NTN4: variants seen among roughly 807,000 people sequenced by gnomAD.
The protein encoded by NTN4 is netrin 4.
Under a neutral mutation model 73.6 loss-of-function variants are expected in NTN4, and 32 were observed. The observed-to-expected ratio is 0.44, with a 90% CI of 0.33 to 0.58. NTN4 has a LOEUF of 0.58. NTN4 is among the 20% of genes least tolerant of loss of function. The pLI is 0.04. For missense variants in NTN4, 654 were observed against 798.3 expected (o/e 0.82, Z 2.18); for synonymous variants, 258 against 287.5 (o/e 0.90, Z 1.04).
intron 2 of NTN4, among the ~76,000 whole-genome samples, chr12:95,770,517 C>A (rs2079049890): frequency 6.6e-6 from 1 of 152,124 alleles, no homozygotes; most frequent in African/African-American, 2.4e-5. Flanking sequence ...GTGGTGGGAT[C>A]AGGGGCTATT....
At chr12:95,692,815 A>G (rs2078410901) in intron 5 of NTN4, among the ~76,000 whole-genome samples, 1 of 152,240 alleles carries the variant, frequency 6.6e-6, no homozygotes, top group Non-Finnish European at 1.5e-5. Context: ...ATCAGACTAG[A>G]TGACTAGATT....
intron 3 of NTN4, among the ~76,000 whole-genome samples, chr12:95,726,250 C>T (rs1300334566): frequency 6.6e-6 from 1 of 152,176 alleles, no homozygotes; most frequent in Non-Finnish European, 1.5e-5. Flanking sequence ...AAAGAAATCT[C>T]ATGCTCACTA....
chr12:95,718,314 G>A (rs547337443), intron 3 of NTN4, among the ~76,000 whole-genome samples: 4 of 152,242 alleles, frequency 2.6e-5, no homozygotes, highest in African/African-American at 4.8e-5. Context: ...GGGGCAGAAC[G>A]CTTTCAGTAG....
intron 2 of NTN4, among the ~76,000 whole-genome samples, chr12:95,753,649 T>G (rs1282211022): frequency 1.3e-5 from 2 of 151,420 alleles, no homozygotes; most frequent in African/African-American, 4.8e-5. Flanking sequence ...CTTACGGTCC[T>G]CCGTCTTCAA....
chr12:95,760,606 T>C (rs1445579003), intron 2 of NTN4, among the ~76,000 whole-genome samples: 1 of 152,112 alleles, frequency 6.6e-6, no homozygotes, highest in African/African-American at 2.4e-5. Context: ...GTAGGGATTG[T>C]TATGTTTGTT....
intron 3 of NTN4, among the ~76,000 whole-genome samples, chr12:95,729,630 A>AGT (rs1254954346): frequency 4.3e-4 from 39 of 91,762 alleles, no homozygotes; most frequent in Middle Eastern, 5.2e-3. Flanking sequence ...AGAGAGAGAG[A>AGT]GAGTGTGTGT....
chr12:95,706,296 A>G (rs1855673587), intron 5 of NTN4, among the ~76,000 whole-genome samples: 1 of 151,566 alleles, frequency 6.6e-6, no homozygotes. Flanking sequence ...TAACAAAAAA[A>G]ACTAAAACAA....
intron 2 of NTN4, among the ~76,000 whole-genome samples, chr12:95,745,615 T>A (rs2078856397): frequency 6.6e-6 from 1 of 152,204 alleles, no homozygotes; most frequent in Non-Finnish European, 1.5e-5. Flanking sequence ...ACTAACTGTA[T>A]CATTTGTGTC....
chr12:95,782,217 A>C (rs1395078631), intron 2 of NTN4, among the ~76,000 whole-genome samples: 1 of 152,148 alleles, frequency 6.6e-6, no homozygotes, highest in African/African-American at 2.4e-5. Context: ...ACTGTGATCC[A>C]AGCAATGTGC....
In NTN4 at chr12:95,710,524, G is replaced by C; in HGVS notation, c.1097C>G (p.Thr366Arg). 1 of 1,614,124 alleles carries C rather than the reference G, an allele frequency of 6.2e-7. No individual in the cohort carries two copies. Among genetic ancestry groups the C allele is most frequent in the Non-Finnish European group, 8.5e-7 (1 of 1,179,992 alleles). ...GGVCDDCQHNTEGQYCQRCKP... is the reference protein window; with the variant it reads ...GGVCDDCQHNREGQYCQRCKP... Reference sequence around the variant, plus strand: ...GCACCTCTGGCAATACTGTCCTTCTGTGTTGTGCTGACAGTCATCACAGAC... The same window carrying C: ...GCACCTCTGGCAATACTGTCCTTCTCTGTTGTGCTGACAGTCATCACAGAC... The change falls in exon 5 of 10, where the codon ACA (threonine) becomes AGA (arginine). Residue 366 changes from threonine to arginine, a missense_variant. Transcript: ENST00000343702.
intron 5 of NTN4, among the ~76,000 whole-genome samples, chr12:95,696,141 C>T (rs78117488): frequency 0.043 from 6,500 of 152,258 alleles, 211 homozygotes; most frequent in Non-Finnish European, 0.061. Flanking sequence ...GAGAAACAAA[C>T]CTAACTGTGT....
chr12:95,675,699 GAAAT>G (rs1370063055), intron 7 of NTN4, among the ~76,000 whole-genome samples: 21 of 152,158 alleles, frequency 1.4e-4, no homozygotes, highest in African/African-American at 4.8e-4. Context: ...AGAAAGAAAA[GAAAT>G]GAATGAATGT....
chr12:95,738,063 T>A lies in NTN4; in HGVS notation c.667A>T (p.Asn223Tyr). 1 of 1,614,174 alleles carries A rather than the reference T, an allele frequency of 6.2e-7. No individual in the cohort carries two copies. Among genetic ancestry groups the A allele is most frequent in the Non-Finnish European group, 8.5e-7 (1 of 1,179,990 alleles). ...AKVQEQLKIT[N>Y]LRVQLLKRQS... ...CGTTTCAGCAGCTGCACGCGAAGGT[T>A]GGTGATCTTCAGCTGCTCCTGAACT... is the stretch of plus-strand genomic sequence containing the variant. The change falls in exon 3 of 10, where the codon AAC (asparagine) becomes TAC (tyrosine). Residue 223 changes from asparagine (N) to tyrosine (Y), a missense_variant. Transcript: ENST00000343702.
chr12:95,740,341 G>A (rs1482575806), intron 2 of NTN4, among the ~76,000 whole-genome samples: 1 of 152,162 alleles, frequency 6.6e-6, no homozygotes, highest in Non-Finnish European at 1.5e-5. Flanking sequence ...AAGAAAACAC[G>A]TAGAAGCCCT....
chr12:95,666,629 A>G (rs1209407792), intron 8 of NTN4, among the ~76,000 whole-genome samples: 1 of 152,198 alleles, frequency 6.6e-6, no homozygotes, highest in Non-Finnish European at 1.5e-5. Context: ...ATCTAAACAG[A>G]GAGAGGAAAC....
At chr12:95,764,404 C>G (rs1450330643) in intron 2 of NTN4, among the ~76,000 whole-genome samples, 1 of 152,222 alleles carries the variant, frequency 6.6e-6, no homozygotes. Flanking sequence ...GTGGCTCACG[C>G]CTGTAATCCC....
chr12:95,735,813 GTGT>G (rs1334451436), intron 3 of NTN4, among the ~76,000 whole-genome samples: 6 of 152,092 alleles, frequency 3.9e-5, no homozygotes, highest in South Asian at 2.1e-4. Flanking sequence ...GCCTTAGAAA[GTGT>G]TGTTAACTCT....
At chr12:95,753,225 A>T (rs1433479419) in intron 2 of NTN4, among the ~76,000 whole-genome samples, 1 of 151,974 alleles carries the variant, frequency 6.6e-6, no homozygotes, top group Non-Finnish European at 1.5e-5. Context: ...CCCGCCTCTC[A>T]GAACCTCTCA....
rs1428494093 is a variant in NTN4 at position 95,737,970 on chromosome 12, A to T, written c.760T>A (p.Tyr254Asn). 4 of 1,614,096 alleles carry T rather than the reference A, an allele frequency of 2.5e-6. No homozygotes were observed. In the South Asian group the frequency reaches 3.3e-5, roughly 13 times the overall value. Residue 254 changes from tyrosine (Y) to asparagine (N), a missense_variant, in exon 3 of 10, where the codon TAT (tyrosine) becomes AAT (asparagine). Tyr to Asn is a moderately radical substitution (Grantham distance 143). Coordinates refer to ENST00000343702, the MANE Select transcript of NTN4 (RefSeq NM_021229.4). ...EPQHFTHYAI[Y>N]DFIVKGSCFC... is the part of the protein sequence containing the mutation. ...CAGCTGCCCTTGACAATGAAATCAT[A>T]GATTGCATAGTGTGTAAAATGTTGA...
Sources: gnomAD v4.1 joint callset for allele counts (sites outside exome capture counted in the v4.1 genomes callset) on GRCh38, gnomAD v4.1.1 for gene constraint, MANE v1.5 for transcripts, NCBI Gene and HGNC (gene_info 2026-07-23, HGNC 2026-07-21) for gene names.